NBL1: variants seen among roughly 807,000 people sequenced by gnomAD.
NBL1 encodes neuroblastoma suppressor of tumorigenicity 1.
Under a neutral mutation model 16.0 loss-of-function variants are expected in NBL1, and 9 were observed. The ratio of observed to expected loss-of-function variants is 0.56; its 90% CI spans 0.34 to 0.98. The LOEUF is 0.98. Among genes scored for constraint, NBL1 ranks in the 50% least tolerant of loss-of-function variants. The pLI is 0.02. For missense variants in NBL1, 196 were observed against 243.1 expected, an observed-to-expected ratio of 0.81 and a Z score of 1.29; for synonymous variants, 86 against 100.7, an observed-to-expected ratio of 0.85 and a Z score of 0.87.
chr1:19,652,250 C>T (rs1311127254), intron 1 of NBL1, among the ~76,000 whole-genome samples: 6 of 152,216 alleles, frequency 3.9e-5, no homozygotes, highest in South Asian at 2.1e-4. Flanking sequence ...CCTCCAGGAC[C>T]CTTCAGGTGT....
intron 1 of NBL1, chr1:19,646,111 G>T: frequency 1.3e-6 from 2 of 1,493,560 alleles, no homozygotes; most frequent in South Asian, 1.2e-5. Context: ...GGCCTGGGTG[G>T]CACGGGGTCG....
At chr1:19,647,376 T>C (rs1457739436) in intron 1 of NBL1, among the ~76,000 whole-genome samples, 1 of 152,170 alleles carries the variant, frequency 6.6e-6, no homozygotes, top group South Asian at 2.1e-4. Flanking sequence ...ATGTGAGCTA[T>C]GATTGTGCCA....
intron 1 of NBL1, chr1:19,647,642 G>C (rs1319998970): frequency 1.0e-5 from 10 of 985,382 alleles, no homozygotes; most frequent in African/African-American, 3.5e-5. Flanking sequence ...CATGCGGACT[G>C]TGGTGTCACC....
chr1:19,644,007 T>C, upstream of NBL1: 8 of 984,890 alleles, frequency 8.1e-6, 1 homozygote, highest in South Asian at 3.8e-4. The surrounding 1 kb of genome is among the most constrained non-coding windows in gnomAD (Gnocchi z 4.6). Context: ...GGAGGGCGCT[T>C]AAGAACGGGC....
At position 19,644,971 on chromosome 1, in the gene NBL1, T is replaced by C. The variant is rs1326989310; in HGVS notation, c.-20+525T>C. On this transcript the variant is annotated intron_variant, in intron 1 of 3. Coordinates refer to ENST00000375136, the MANE Select transcript of NBL1 (RefSeq NM_005380.8). The surrounding 1 kb of genome is among the most constrained non-coding windows in gnomAD (Gnocchi z 4.6). ...CGTCTCTTTCCGTTCCCCGCCTGCC[T>C]CCGTGTTCGGCTGCCCGCGTTTGTG... Among the ~76,000 whole-genome samples, 1 of 152,142 alleles carries C rather than the reference T, an allele frequency of 6.6e-6. No homozygotes were observed. The highest frequency in any genetic ancestry group is 2.4e-5 in the African/African-American group (1 of 41,420).
At chr1:19,650,848 C>T (rs767807173) in intron 1 of NBL1, among the ~76,000 whole-genome samples, 11 of 152,188 alleles carry the variant, frequency 7.2e-5, no homozygotes, top group Admixed American at 1.3e-4. Flanking sequence ...CCCACCCCAC[C>T]GGTGGGGGCA....
intron 3 of NBL1, among the ~76,000 whole-genome samples, chr1:19,655,860 G>C (rs141132546): frequency 3.0e-4 from 45 of 152,236 alleles, no homozygotes; most frequent in African/African-American, 9.6e-4. Flanking sequence ...CACCTGCTCC[G>C]TTCGCTTCTA....
At position 19,657,100 on chromosome 1, in the gene NBL1, C is replaced by A; in HGVS notation, c.517C>A (p.His173Asn). 1 of 1,490,436 alleles carries A rather than the reference C, an allele frequency of 6.7e-7. No individual in the cohort carries two copies. Among genetic ancestry groups the A allele is most frequent in the South Asian group, 1.3e-5 (1 of 78,454 alleles). 92.3% of individuals were successfully genotyped at this position (1,490,436 alleles called of 1,614,324 possible). A position where few individuals can be genotyped will look rare whatever the true frequency, so the allele number is the denominator to read the frequency against. ...GCCCGAGGACCCCCCTGGGGCCCCCCACACAGAGGAAGAGGGGGCTGAGGA... is the reference window on the plus strand; with the variant it reads ...GCCCGAGGACCCCCCTGGGGCCCCCAACACAGAGGAAGAGGGGGCTGAGGA... ...PEPEDPPGAP[H>N]TEEEGAED is the part of the protein sequence containing the mutation. Residue 173 changes from histidine (H) to asparagine (N), a missense_variant, in exon 4 of 4, where the codon CAC becomes AAC. Transcript: ENST00000375136.
rs536635988 is a variant in NBL1 at position 19,655,798 on chromosome 1, G to C, written c.282+363G>C. ...CCTTTCCAGCCTCCTCCTGCTTCCTGCCTTCCTTAGTAGCTTGACGCTTAA... is the reference window on the plus strand; with the variant it reads ...CCTTTCCAGCCTCCTCCTGCTTCCTCCCTTCCTTAGTAGCTTGACGCTTAA... On this transcript the variant is annotated intron_variant, in intron 3 of 3. Coordinates refer to ENST00000375136, the MANE Select transcript of NBL1 (RefSeq NM_005380.8). 1.2e-4 allele frequency among the ~76,000 whole-genome samples: 19 copies of C among 152,280 alleles called. No individual in the cohort carries two copies. The East Asian group carries it at 3.7e-3, about 29-fold the overall frequency.
At chr1:19,650,844 C>G (rs1165975275) in intron 1 of NBL1, among the ~76,000 whole-genome samples, 7 of 152,188 alleles carry the variant, frequency 4.6e-5, no homozygotes, top group African/African-American at 1.4e-4. Context: ...AGAGCCCACC[C>G]CACCGGTGGG....
rs549330282 is a variant in NBL1 at position 19,655,561 on chromosome 1, G to A, written c.282+126G>A. On this transcript the variant is annotated intron_variant, in intron 3 of 3. Transcript: ENST00000375136. ...CCTTAGAAAGGCCCCACTGTGTGCA[G>A]GGTGAAGGGCTTGTGCTGGGGATAC... is the stretch of plus-strand genomic sequence containing the variant. 8 of 1,085,010 alleles carry A rather than the reference G, an allele frequency of 7.4e-6. No individual in the cohort carries two copies. The African/African-American group carries it at 1.3e-4, about 17-fold the overall frequency. 67.2% of individuals were successfully genotyped at this position (1,085,010 alleles called of 1,614,324 possible).
At chr1:19,654,365 T>C (rs2095044320) in intron 1 of NBL1, among the ~76,000 whole-genome samples, 1 of 152,208 alleles carries the variant, frequency 6.6e-6, no homozygotes, top group African/African-American at 2.4e-5. Context: ...ATCATGCCAC[T>C]GCACTCCAGC....
chr1:19,649,602 G>A (rs180939046), intron 1 of NBL1, among the ~76,000 whole-genome samples: 9 of 152,026 alleles, frequency 5.9e-5, no homozygotes, highest in African/African-American at 2.2e-4. Context: ...CAAGTGATCT[G>A]CCACCTCGAT....
chr1:19,655,970 C>T (rs1347355730), intron 3 of NBL1, among the ~76,000 whole-genome samples: 1 of 152,178 alleles, frequency 6.6e-6, no homozygotes, highest in East Asian at 1.9e-4. Context: ...TTGGCCCAAG[C>T]AGCGTTTCCT....
In NBL1 at chr1:19,644,403, C is replaced by A. The variant is rs948113231; in HGVS notation, c.-63C>A. The A allele has an allele frequency of 3.1e-6, 3 of 978,850 alleles. No individual in the cohort carries two copies. In the African/African-American group the frequency reaches 5.3e-5, roughly 17 times the overall value. 60.6% of individuals were successfully genotyped at this position (978,850 alleles called of 1,614,324 possible). On this transcript the variant is annotated 5_prime_UTR_variant, in exon 1 of 4. Coordinates refer to ENST00000375136, the MANE Select transcript of NBL1 (RefSeq NM_005380.8). The surrounding 1 kb of genome is among the most constrained non-coding windows in gnomAD (Gnocchi z 4.6). Reference sequence around the variant, plus strand: ...CCGAGCCTCCTGGGGCGCCCGGGCCCGCGACCCCCGCACCCAGCTCCGCAG... The same window carrying A: ...CCGAGCCTCCTGGGGCGCCCGGGCCAGCGACCCCCGCACCCAGCTCCGCAG...
At chr1:19,651,372 G>A (rs1444832827) in intron 1 of NBL1, among the ~76,000 whole-genome samples, 2 of 152,196 alleles carry the variant, frequency 1.3e-5, no homozygotes, top group Admixed American at 6.5e-5. Context: ...GATAACCTCA[G>A]CTGTGCACTG....
intron 1 of NBL1, among the ~76,000 whole-genome samples, chr1:19,646,595 G>A (rs1045685763): frequency 6.6e-6 from 1 of 152,144 alleles, no homozygotes; most frequent in South Asian, 2.1e-4. Context: ...TCAAGACCTG[G>A]AGCGATCGCC....
chr1:19,647,674 G>C, intron 1 of NBL1: 1 of 985,444 alleles, frequency 1.0e-6, no homozygotes. Context: ...CCCACAGGTA[G>C]AATCGTCCGT....
intron 1 of NBL1, among the ~76,000 whole-genome samples, chr1:19,653,434 C>G (rs1267667398): frequency 6.6e-6 from 1 of 152,234 alleles, no homozygotes; most frequent in Admixed American, 6.5e-5. Flanking sequence ...GTCCCCTCTT[C>G]CTCCTGATTT....
Sources: gnomAD v4.1 joint callset for allele counts (sites outside exome capture counted in the v4.1 genomes callset) on GRCh38, gnomAD v4.1.1 for gene constraint, Gnocchi (gnomAD v3.1) non-coding constraint, MANE v1.5 for transcripts, NCBI Gene and HGNC (gene_info 2026-07-23, HGNC 2026-07-21) for gene names.